The following COL4A6 variants were observed in gnomAD, a reference collection of about 807,000 sequenced individuals.
The protein encoded by COL4A6 is collagen type IV alpha 6 chain.
COL4A6 carries 59 observed loss-of-function variants against 126.7 expected under a neutral mutation model. The ratio of observed to expected loss-of-function variants is 0.47; its 90% CI spans 0.38 to 0.58. The LOEUF (loss-of-function observed/expected upper bound fraction) is 0.58, where lower values mean the gene tolerates loss of function less well. COL4A6 is among the 20% of genes least tolerant of loss of function. The pLI, the probability that COL4A6 is intolerant of heterozygous loss-of-function variation, is 0.00. For missense variants in COL4A6, 1,285 were observed against 1,337.3 expected (o/e 0.96, Z 0.61); for synonymous variants, 547 against 496.6 (o/e 1.10, Z -1.35).
chrX:108,391,656 C>A (rs1569453808), intron 2 of COL4A6, among the ~76,000 whole-genome samples: 1 of 112,278 alleles, frequency 8.9e-6, no homozygotes, highest in East Asian at 2.8e-4. Context: ...CAGAGGGAAT[C>A]TCCTGGTCTG....
intron 3 of COL4A6, among the ~76,000 whole-genome samples, chrX:108,296,741 T>C (rs904002549): frequency 8.9e-6 from 1 of 112,040 alleles, no homozygotes; most frequent in African/African-American, 3.2e-5. Flanking sequence ...TTTAAACAAT[T>C]ATCTCTTTTA....
intron 3 of COL4A6, among the ~76,000 whole-genome samples, chrX:108,275,820 C>T (rs1012845069): frequency 5.3e-5 from 6 of 112,938 alleles, no homozygotes; most frequent in Admixed American, 2.8e-4. Flanking sequence ...GGAAATCAAT[C>T]GTGTGGGACT....
At chrX:108,162,530 C>T (rs944929679) in intron 41 of COL4A6, among the ~76,000 whole-genome samples, 7 of 111,006 alleles carry the variant, frequency 6.3e-5, no homozygotes, top group Non-Finnish European at 1.3e-4. Flanking sequence ...AGACTTCTAA[C>T]TTACTCCAAT....
At chrX:108,377,843 G>A (rs2040474857) in intron 2 of COL4A6, among the ~76,000 whole-genome samples, 1 of 105,003 alleles carries the variant, frequency 9.5e-6, no homozygotes. Flanking sequence ...TAGCGAGGCT[G>A]AGGCAGGAGA....
Position 108,187,245 on chromosome X carries a change from C to T in COL4A6, c.1802G>A (p.Gly601Glu). The T allele has an allele frequency of 8.5e-7, 1 of 1,177,192 alleles. No individual in the cohort carries two copies. The change falls in exon 23 of 45, where the codon GGG (glycine) becomes GAG (glutamate). Residue 601 changes from glycine (G) to glutamate (E), a missense_variant. By Grantham distance (98) the Gly-to-Glu change is moderately conservative. Transcript: ENST00000334504. ...DGGQGFPGEK[G>E]LPGLPGEKGH... ...TTTTTCACCAGGAAGTCCAGGTAAC[C>T]CCTTTTCACCTGGGAAGCCCTGTCC...
At chrX:108,211,807 G>T in intron 6 of COL4A6, 67 bp from the exon 7 acceptor site, 1 of 1,020,467 alleles carries the variant, frequency 9.8e-7, no homozygotes, top group South Asian at 2.0e-5. Context: ...TGCATTATCT[G>T]ATCAGATAGA....
chrX:108,297,909 T>G (rs1055270313), intron 3 of COL4A6, among the ~76,000 whole-genome samples: 12 of 109,196 alleles, frequency 1.1e-4, no homozygotes, highest in Non-Finnish European at 2.3e-4. Context: ...TTCTCCTTTC[T>G]ATCCCATCTC....
At chrX:108,395,769 A>T (rs945427569) in intron 2 of COL4A6, among the ~76,000 whole-genome samples, 3 of 112,100 alleles carry the variant, frequency 2.7e-5, no homozygotes, top group Non-Finnish European at 5.6e-5. Context: ...TCTCACAAAG[A>T]TAGTAAAAAA....
chrX:108,432,896 G>C (rs1402779906), intron 2 of COL4A6, among the ~76,000 whole-genome samples: 1 of 111,603 alleles, frequency 9.0e-6, no homozygotes, highest in Non-Finnish European at 1.9e-5. Context: ...GGATAAAGAA[G>C]TATCAGAGTA....
chrX:108,356,209 T>A, intron 2 of COL4A6, among the ~76,000 whole-genome samples: 1 of 106,373 alleles, frequency 9.4e-6, no homozygotes, highest in Non-Finnish European at 1.9e-5. Flanking sequence ...TTTGGTTTTT[T>A]GTCCTTGCGA....
chrX:108,332,936 C>A (rs1287362878), intron 2 of COL4A6, among the ~76,000 whole-genome samples: 2 of 110,229 alleles, frequency 1.8e-5, no homozygotes, highest in Non-Finnish European at 3.8e-5. Context: ...AGTATTTTTC[C>A]TAGTTTTTTT....
At chrX:108,327,478 C>T (rs1269823638) in intron 2 of COL4A6, among the ~76,000 whole-genome samples, 1 of 101,973 alleles carries the variant, frequency 9.8e-6, no homozygotes, top group Non-Finnish European at 2.0e-5. Flanking sequence ...GTACAGGCAG[C>T]ATCATGAATG....
intron 3 of COL4A6, among the ~76,000 whole-genome samples, chrX:108,251,793 T>C (rs1474422951): frequency 8.9e-6 from 1 of 112,004 alleles, no homozygotes; most frequent in Non-Finnish European, 1.9e-5. Flanking sequence ...TGTATGGTTA[T>C]GACGAATTAT....
intron 2 of COL4A6, among the ~76,000 whole-genome samples, chrX:108,318,776 T>C (rs2038948130): frequency 8.9e-6 from 1 of 112,340 alleles, no homozygotes; most frequent in Non-Finnish European, 1.9e-5. Flanking sequence ...GAAGAATCAA[T>C]ATCGTGAAAA....
chrX:108,183,771 AC>A, intron 23 of COL4A6: 1 of 928,465 alleles, frequency 1.1e-6, no homozygotes, highest in Non-Finnish European at 1.3e-6. Flanking sequence ...AGCAGCAGTC[AC>A]CTAGAGCAAT....
At position 108,156,889 on chromosome X, in the gene COL4A6, C is replaced by T. The variant is rs186343614; in HGVS notation, c.*111G>A. On this transcript the variant is annotated 3_prime_UTR_variant, in exon 45 of 45. Transcript: ENST00000334504. The stretch of plus-strand genomic sequence containing the variant: ...CTAGCCCAAATGAGACTCCAATGTA[C>T]AACTTGACAGGCAAAGGGGCTCAGG... 6.1e-6 allele frequency: 5 copies of T among 822,301 alleles called. No homozygotes were observed. Among genetic ancestry groups the T allele is most frequent in the Admixed American group, 5.4e-5 (2 of 36,904 alleles). 67.8% of individuals were successfully genotyped at this position (822,301 alleles called of 1,213,427 possible). A position where few individuals can be genotyped will look rare whatever the true frequency, so the allele number is the denominator to read the frequency against.
chrX:108,204,464 T>C lies in COL4A6; in HGVS notation c.688-52A>G, dbSNP rs749532529. Reference sequence around the variant, plus strand: ...AAAGTGACAATCACACCGACCGTTTTTCCAGAGTGGGGGTTTGTCCTCTGG... The same window carrying C: ...AAAGTGACAATCACACCGACCGTTTCTCCAGAGTGGGGGTTTGTCCTCTGG... On this transcript the variant is annotated intron_variant, in intron 11 of 44. Transcript: ENST00000334504. 17 of 1,056,836 alleles carry C rather than the reference T, an allele frequency of 1.6e-5. No individual in the cohort carries two copies. In the East Asian group the frequency reaches 5.1e-4, roughly 32 times the overall value. The allele number at this position is 1,056,836 out of a possible 1,213,427, so 87.1% of individuals were successfully genotyped here. A position where few individuals can be genotyped will look rare whatever the true frequency, so the allele number is the denominator to read the frequency against.
chrX:108,438,066 A>G lies in COL4A6; in HGVS notation c.12-73T>C, dbSNP rs1305586450. On this transcript the variant is annotated intron_variant, in intron 1 of 44. Coordinates refer to ENST00000334504, the MANE Select transcript of COL4A6 (RefSeq NM_033641.4). ...CGTGCGTCTGCCTGTCGCCCCCCGA[A>G]CCCTTTTGGATGCCTGCTCCCAATT... The G allele has an allele frequency of 2.5e-6, 3 of 1,193,768 alleles. No individual in the cohort carries two copies. The African/African-American group carries it at 5.3e-5, about 21-fold the overall frequency.
intron 3 of COL4A6, among the ~76,000 whole-genome samples, chrX:108,302,183 A>G (rs2038506550): frequency 9.0e-6 from 1 of 111,362 alleles, no homozygotes; most frequent in Non-Finnish European, 1.9e-5. Flanking sequence ...CCATATATTA[A>G]TGATAATATA....
Sources: gnomAD v4.1 joint callset for allele counts (sites outside exome capture counted in the v4.1 genomes callset) on GRCh38, gnomAD v4.1.1 for gene constraint, MANE v1.5 for transcripts, NCBI Gene and HGNC (gene_info 2026-07-23, HGNC 2026-07-21) for gene names.